RSU1: variants seen among roughly 807,000 people sequenced by gnomAD.
The protein encoded by RSU1 is rsu-1.
Under a neutral mutation model 31.1 loss-of-function variants are expected in RSU1, and 26 were observed. That is an observed-to-expected ratio of 0.84 (90% confidence interval 0.61 to 1.16). The LOEUF (loss-of-function observed/expected upper bound fraction) is 1.16. RSU1 is among the 50% of genes most tolerant of loss of function. The pLI, the probability that RSU1 is intolerant of heterozygous loss-of-function variation, is 0.00. For missense variants in RSU1, 320 were observed against 339.1 expected, an observed-to-expected ratio of 0.94 and a Z score of 0.44; for synonymous variants, 164 against 136.3, an observed-to-expected ratio of 1.20 and a Z score of -1.41.
intron 2 of RSU1, among the ~76,000 whole-genome samples, chr10:16,800,496 G>A (rs72771334): frequency 0.052 from 7,910 of 152,250 alleles, 258 homozygotes; most frequent in African/African-American, 0.094. Context: ...GAAAGAATCA[G>A]TGATCTTGAA....
intron 8 of RSU1, among the ~76,000 whole-genome samples, chr10:16,612,156 G>T (rs1261296076): frequency 6.6e-6 from 1 of 152,218 alleles, no homozygotes; most frequent in African/African-American, 2.4e-5. Context: ...AAATGTGGTT[G>T]AAGCCATAGA....
chr10:16,649,119 TTTTAA>T (rs1192822652), intron 8 of RSU1, among the ~76,000 whole-genome samples: 16 of 152,218 alleles, frequency 1.1e-4, no homozygotes, highest in African/African-American at 2.4e-4. Context: ...CTCATCTTTA[TTTTAA>T]TTTATTTTTT....
chr10:16,717,144 T>G (rs571059700), intron 7 of RSU1, among the ~76,000 whole-genome samples: 7 of 152,320 alleles, frequency 4.6e-5, no homozygotes, highest in African/African-American at 1.7e-4. Context: ...ATACAGAACC[T>G]AAACTTAAGT....
chr10:16,710,803 C>G (rs542006096), intron 7 of RSU1, among the ~76,000 whole-genome samples: 3 of 152,078 alleles, frequency 2.0e-5, no homozygotes, highest in African/African-American at 7.2e-5. Flanking sequence ...TTCTCCAATG[C>G]TATCCCTCCT....
chr10:16,643,702 A>AT (rs1834484804), intron 8 of RSU1, among the ~76,000 whole-genome samples: 2 of 152,122 alleles, frequency 1.3e-5, no homozygotes, highest in Non-Finnish European at 2.9e-5. Flanking sequence ...AATCTACATA[A>AT]CAGACTTGGA....
chr10:16,791,584 C>G (rs1255453476), intron 2 of RSU1, among the ~76,000 whole-genome samples: 1 of 150,076 alleles, frequency 6.7e-6, no homozygotes, highest in Non-Finnish European at 1.5e-5. Flanking sequence ...ACCGACATCA[C>G]ACCACTGCAC....
chr10:16,680,245 G>T (rs933911386), intron 8 of RSU1, among the ~76,000 whole-genome samples: 1 of 151,920 alleles, frequency 6.6e-6, no homozygotes, highest in African/African-American at 2.4e-5. Context: ...CAAAAACAGT[G>T]CCGAGAATAC....
At chr10:16,715,766 G>A (rs896538774) in intron 7 of RSU1, among the ~76,000 whole-genome samples, 1 of 152,184 alleles carries the variant, frequency 6.6e-6, no homozygotes, top group Non-Finnish European at 1.5e-5. Context: ...CTTTCTCAAG[G>A]TTGTTTTGAC....
intron 8 of RSU1, among the ~76,000 whole-genome samples, chr10:16,661,221 T>C (rs1365883628): frequency 3.3e-5 from 5 of 152,042 alleles, no homozygotes; most frequent in Admixed American, 3.3e-4. Flanking sequence ...TTTTGGCTTA[T>C]GTTATTCCCT....
At chr10:16,749,386 CA>C (rs1312541253) in intron 7 of RSU1, among the ~76,000 whole-genome samples, 1 of 152,150 alleles carries the variant, frequency 6.6e-6, no homozygotes, top group Non-Finnish European at 1.5e-5. Flanking sequence ...AAAAAGTTTA[CA>C]AGTCAATAAA....
intron 8 of RSU1, among the ~76,000 whole-genome samples, chr10:16,684,379 A>C (rs1564316002): frequency 6.6e-6 from 1 of 152,182 alleles, no homozygotes; most frequent in Non-Finnish European, 1.5e-5. Context: ...TCTAGATACG[A>C]ATTTTGGCAA....
rs185122037 is a variant in RSU1, at chr10:16,606,851, C to T, written c.732-13355G>A. 5.4e-4 allele frequency among the ~76,000 whole-genome samples: 83 copies of T among 152,296 alleles called. 1 individual carries two copies. The highest frequency in any genetic ancestry group is 4.8e-3 in the Admixed American group (73 of 15,300). On this transcript the variant is annotated intron_variant, in intron 8 of 8. Transcript: ENST00000345264. ...ATACCATACATAGTGGTATTAGTAT[C>T]ACCACTGATATTCCTCCTCCTCTCC... is the stretch of plus-strand genomic sequence containing the variant.
chr10:16,761,224 T>C (rs1339085964), intron 4 of RSU1, among the ~76,000 whole-genome samples: 2 of 152,228 alleles, frequency 1.3e-5, no homozygotes, highest in African/African-American at 4.8e-5. Context: ...ACTATAGCTA[T>C]GAGCCACCAC....
Position 16,645,952 on chromosome 10 carries a change from ATATACATATATGTGTATATATATGTG to A in RSU1, c.731+49045_731+49070del, listed in dbSNP as rs1564298394. 2.1e-3 allele frequency among the ~76,000 whole-genome samples: 166 copies of A among 78,272 alleles called. 19 individuals are homozygous for A. Among genetic ancestry groups the A allele is most frequent in the Middle Eastern group, 5.7e-3 (1 of 176 alleles). The allele number at this position is 78,272 out of a possible 152,430, so 51.3% of individuals were successfully genotyped here. A position where few individuals can be genotyped will look rare whatever the true frequency, so the allele number is the denominator to read the frequency against. Reference sequence around the variant, plus strand: ...TACACATATGTGTATATATATGTGTATATACATATATGTGTATATATATGTGTATATACATATATGTGTATATATAT... The same window carrying A: ...TACACATATGTGTATATATATGTGTATATATACATATATGTGTATATATAT... On this transcript the variant is annotated intron_variant, in intron 8 of 8. Coordinates refer to ENST00000345264, the MANE Select transcript of RSU1 (RefSeq NM_012425.4).
At chr10:16,814,618 C>T (rs951882470) in intron 2 of RSU1, among the ~76,000 whole-genome samples, 4 of 152,094 alleles carry the variant, frequency 2.6e-5, no homozygotes, top group African/African-American at 9.7e-5. Flanking sequence ...CCCTAGGCTC[C>T]GAGAAGTCCT....
At chr10:16,675,016 G>A (rs924872134) in intron 8 of RSU1, among the ~76,000 whole-genome samples, 2 of 151,938 alleles carry the variant, frequency 1.3e-5, no homozygotes, top group African/African-American at 4.8e-5. Context: ...CTGGGCGACA[G>A]AGTGAGACCC....
At chr10:16,633,356 G>T (rs982793367) in intron 8 of RSU1, among the ~76,000 whole-genome samples, 1 of 152,098 alleles carries the variant, frequency 6.6e-6, no homozygotes, top group Non-Finnish European at 1.5e-5. Flanking sequence ...CACAGCTTAG[G>T]GTATGATGGC....
intron 8 of RSU1, among the ~76,000 whole-genome samples, chr10:16,647,990 C>T (rs963708510): frequency 6.6e-6 from 1 of 151,948 alleles, no homozygotes; most frequent in Admixed American, 6.6e-5. Flanking sequence ...GCTCTGTCAC[C>T]CAGGCTGGAG....
Position 16,799,404 on chromosome 10 carries a change from T to C in RSU1, c.110-17320A>G, listed in dbSNP as rs576908705. Among the ~76,000 whole-genome samples the C allele has an allele frequency of 1.7e-3, 264 of 152,104 alleles. 1 individual carries two copies. The highest frequency in any genetic ancestry group is 6.0e-3 in the African/African-American group (250 of 41,476). On this transcript the variant is annotated intron_variant, in intron 2 of 8. Coordinates refer to ENST00000345264, the MANE Select transcript of RSU1 (RefSeq NM_012425.4). Reference sequence around the variant, plus strand: ...GCAAACACAGAGAATCACAGCATAGTAGGAGCAGAAATACCTGCTGGAGCC... The same window carrying C: ...GCAAACACAGAGAATCACAGCATAGCAGGAGCAGAAATACCTGCTGGAGCC...
Sources: gnomAD v4.1 joint callset for allele counts (sites outside exome capture counted in the v4.1 genomes callset) on GRCh38, gnomAD v4.1.1 for gene constraint, MANE v1.5 for transcripts, NCBI Gene and HGNC (gene_info 2026-07-23, HGNC 2026-07-21) for gene names.